WDR76: variants seen among roughly 807,000 people sequenced by gnomAD.
WDR76 encodes WD repeat-containing protein 76.
WDR76 carries 52 observed loss-of-function variants against 70.2 expected under a neutral mutation model. That is an observed-to-expected ratio of 0.74 (90% CI 0.59 to 0.93). The LOEUF is 0.93. Ranked by LOEUF, WDR76 falls within the 40% of genes least tolerant of loss-of-function variation. The pLI is 0.00. For synonymous variants in WDR76, 292 were observed against 271.1 expected, an observed-to-expected ratio of 1.08 and a Z score of -0.76; for missense variants, 756 against 760.2, an observed-to-expected ratio of 0.99 and a Z score of 0.07.
intron 2 of WDR76, among the ~76,000 whole-genome samples, chr15:43,832,238 G>T (rs2087598182): frequency 6.6e-6 from 1 of 151,928 alleles, no homozygotes; most frequent in Non-Finnish European, 1.5e-5. Flanking sequence ...ATGCTTTTAA[G>T]ATCTTTTCTG....
intron 12 of WDR76, 27 bp from the exon 13 acceptor site, chr15:43,866,101 T>TAA: frequency 6.2e-7 from 1 of 1,609,612 alleles, no homozygotes; most frequent in African/African-American, 1.3e-5. Flanking sequence ...TTACTTCATT[T>TAA]AAAAAATATA....
chr15:43,836,582 C>T (rs1289492988), intron 4 of WDR76, among the ~76,000 whole-genome samples: 1 of 151,868 alleles, frequency 6.6e-6, no homozygotes, highest in Non-Finnish European at 1.5e-5. Flanking sequence ...TTTCTTAGTC[C>T]TAGAATAAAG....
chr15:43,855,716 G>A (rs2087918715), intron 9 of WDR76, among the ~76,000 whole-genome samples: 1 of 152,000 alleles, frequency 6.6e-6, no homozygotes, highest in South Asian at 2.1e-4. Context: ...GGGCATGGTG[G>A]CACGCACCAG....
chr15:43,858,112 T>C (rs964947142), intron 10 of WDR76, among the ~76,000 whole-genome samples: 1 of 151,534 alleles, frequency 6.6e-6, no homozygotes, highest in African/African-American at 2.4e-5. Context: ...TTTGTATTTT[T>C]AGTAGAGACA....
chr15:43,837,785 C>T (rs1490695922), intron 4 of WDR76, among the ~76,000 whole-genome samples: 1 of 151,982 alleles, frequency 6.6e-6, no homozygotes, highest in African/African-American at 2.4e-5. Context: ...ATAGAAATTA[C>T]GAATACCCCT....
intron 4 of WDR76, 151 bp from the exon 5 acceptor site, chr15:43,839,454 C>G: frequency 1.2e-6 from 1 of 810,930 alleles, no homozygotes; most frequent in Non-Finnish European, 1.7e-6. Flanking sequence ...TTCCATACTT[C>G]TTATTAAGAT....
At chr15:43,850,591 G>A (rs191709432) in intron 8 of WDR76, among the ~76,000 whole-genome samples, 15 of 152,184 alleles carry the variant, frequency 9.9e-5, no homozygotes, top group African/African-American at 2.2e-4. Context: ...CACCGCGCCC[G>A]GCCATTTTTA....
chr15:43,840,089 C>A (rs865918395), intron 5 of WDR76, among the ~76,000 whole-genome samples: 2 of 151,986 alleles, frequency 1.3e-5, no homozygotes, highest in Non-Finnish European at 2.9e-5. Flanking sequence ...GAACTCCTGA[C>A]CTGAAGTGGT....
At position 43,868,298 on chromosome 15, in the gene WDR76, GT is replaced by G. The variant is rs2088098569; in HGVS notation, c.*1911del. ...GGTTAGTTCTACGGGAATTGTTTTT[GT>G]TTTTGTTTTTAAAGATGCTGAAAAC... On this transcript the variant is annotated 3_prime_UTR_variant, in exon 13 of 13. Transcript: ENST00000263795. 1 of 152,042 alleles carries G rather than the reference GT, an allele frequency of 6.6e-6. No homozygotes were observed. Among genetic ancestry groups the G allele is most frequent in the Non-Finnish European group, 1.5e-5 (1 of 67,976 alleles). The allele number at this position is 152,042 out of a possible 1,614,324, so 9.4% of individuals were successfully genotyped here.
intron 5 of WDR76, among the ~76,000 whole-genome samples, chr15:43,842,191 T>A (rs2140302351): frequency 6.6e-6 from 1 of 152,312 alleles, no homozygotes; most frequent in South Asian, 2.1e-4. Context: ...CCTCATTTGC[T>A]AGGTTGTTGA....
chr15:43,852,371 C>T (rs986460775), intron 9 of WDR76, among the ~76,000 whole-genome samples: 3 of 150,262 alleles, frequency 2.0e-5, no homozygotes, highest in East Asian at 2.0e-4. Flanking sequence ...TTGTTGTTGT[C>T]GTCGTTGTTG....
intron 8 of WDR76, among the ~76,000 whole-genome samples, chr15:43,848,371 G>C (rs894703811): frequency 6.6e-6 from 1 of 152,212 alleles, no homozygotes; most frequent in Non-Finnish European, 1.5e-5. Context: ...TTTAGCTTCT[G>C]CCCTGCCCCG....
intron 3 of WDR76, 141 bp downstream of exon 3, chr15:43,835,291 AC>A (rs2087641537): frequency 1.9e-6 from 1 of 538,316 alleles, no homozygotes; most frequent in Non-Finnish European, 3.1e-6. Flanking sequence ...ACATACGGAG[AC>A]CCGCCCCCCG....
chr15:43,834,945 G>T, intron 2 of WDR76, 116 bp from the exon 3 acceptor site: 2 of 834,024 alleles, frequency 2.4e-6, no homozygotes, highest in East Asian at 2.7e-5. Flanking sequence ...GAAATGAATA[G>T]AGATAGTACA....
intron 8 of WDR76, among the ~76,000 whole-genome samples, chr15:43,848,877 G>T (rs1721392291): frequency 6.6e-6 from 1 of 151,790 alleles, no homozygotes. Context: ...GGCAGAGGTT[G>T]CAGTGAGCCG....
At chr15:43,842,966 A>G (rs1015192550) in intron 7 of WDR76, among the ~76,000 whole-genome samples, 2 of 142,508 alleles carry the variant, frequency 1.4e-5, no homozygotes, top group Non-Finnish European at 3.1e-5. Flanking sequence ...CATTTTTACT[A>G]TATGTTGTAA....
chr15:43,842,583 T>C (rs751312419), intron 6 of WDR76, 45 bp from the exon 7 acceptor site: 2 of 1,593,980 alleles, frequency 1.3e-6, no homozygotes, highest in Admixed American at 1.7e-5. Context: ...TATGTAAAAA[T>C]ATATACATAC....
intron 2 of WDR76, among the ~76,000 whole-genome samples, chr15:43,833,150 A>C (rs2087611733): frequency 6.6e-6 from 1 of 151,850 alleles, no homozygotes; most frequent in Admixed American, 6.6e-5. Context: ...AGAAACTTTA[A>C]AATAATATTT....
intron 8 of WDR76, among the ~76,000 whole-genome samples, chr15:43,848,065 T>TA (rs1172845749): frequency 1.1e-4 from 16 of 147,262 alleles, no homozygotes; most frequent in Non-Finnish European, 1.3e-4. Context: ...GCCTGTCTCT[T>TA]AAAAAAAACA....
Sources: allele counts gnomAD v4.1 joint callset (sites outside exome capture counted in the v4.1 genomes callset), GRCh38; gene constraint gnomAD v4.1.1; transcripts MANE v1.5; gene names NCBI Gene and HGNC (gene_info 2026-07-23, HGNC 2026-07-21).